R3HDM1: variants seen among roughly 807,000 people sequenced by gnomAD.
R3HDM1 encodes the protein R3H domain-containing protein 1.
R3HDM1 carries 46 observed loss-of-function variants against 141.1 expected under a neutral mutation model. That is an observed-to-expected ratio of 0.33 (90% CI 0.26 to 0.42). R3HDM1 has a LOEUF of 0.42. Ranked by LOEUF, R3HDM1 falls within the 10% of genes least tolerant of loss-of-function variation. The pLI is 1.00. For missense variants in R3HDM1, 1,184 were observed against 1,368.3 expected (o/e 0.87, Z 2.12); for synonymous variants, 435 against 472.9 (o/e 0.92, Z 1.04).
Position 135,531,561 on chromosome 2 carries a change from C to A in R3HDM1, c.-322C>A, listed in dbSNP as rs1031217854. On this transcript the variant is annotated 5_prime_UTR_variant, in exon 1 of 27. Transcript: ENST00000683871. ...TTAATTCCCTTTCGTAAGACTCTTA[C>A]TTGCACCCACCCAGCCCCGCCGTCG... 1.6e-5 allele frequency: 16 copies of A among 986,210 alleles called. No individual in the cohort carries two copies. Among genetic ancestry groups the A allele is most frequent in the African/African-American group, 1.7e-5 (1 of 57,194 alleles). The allele number at this position is 986,210 out of a possible 1,614,324, so 61.1% of individuals were successfully genotyped here. A position where few individuals can be genotyped will look rare whatever the true frequency, so the allele number is the denominator to read the frequency against.
Position 135,555,752 on chromosome 2 carries a change from C to T in R3HDM1, c.-250+24119C>T, listed in dbSNP as rs149297060. Among the ~76,000 whole-genome samples, 944 of 152,226 alleles carry T rather than the reference C, an allele frequency of 6.2e-3. 8 individuals carry two copies. Among genetic ancestry groups the T allele is most frequent in the South Asian group, 0.042 (201 of 4,830 alleles). ...CAATACGAAGCAATGAAGGGCCAGG[C>T]GAGTGGCTCATATCTGTAATCCTAG... On this transcript the variant is annotated intron_variant, in intron 1 of 26. Coordinates refer to ENST00000683871, the MANE Select transcript of R3HDM1 (RefSeq NM_001378107.1).
intron 21 of R3HDM1, among the ~76,000 whole-genome samples, chr2:135,693,700 A>G (rs1211285826): frequency 1.3e-5 from 2 of 152,236 alleles, no homozygotes; most frequent in African/African-American, 2.4e-5. Flanking sequence ...TAGAAGAGAA[A>G]GAACTAAAGG....
At chr2:135,723,726 G>A (rs902343484) in intron 26 of R3HDM1, among the ~76,000 whole-genome samples, 1 of 130,524 alleles carries the variant, frequency 7.7e-6, no homozygotes, top group Non-Finnish European at 1.5e-5. Context: ...GCAGTGAGCC[G>A]AGATCACACC....
rs191478784 is a variant in R3HDM1, at chr2:135,709,962, T to A, written c.2564-97T>A. 9.1e-5 allele frequency: 116 copies of A among 1,272,860 alleles called. No individual in the cohort carries two copies. In the African/African-American group the frequency reaches 1.7e-3, roughly 19 times the overall value. The allele number at this position is 1,272,860 out of a possible 1,614,324, so 78.8% of individuals were successfully genotyped here. On this transcript the variant is annotated intron_variant, in intron 22 of 26. Coordinates refer to ENST00000683871, the MANE Select transcript of R3HDM1 (RefSeq NM_001378107.1). ...TTCTTAGTTAATAGTAAAATTTTAT[T>A]CAGAAATGTAAAATTACTACTGTTA...
At chr2:135,620,549 AAAG>A in intron 5 of R3HDM1, 1 of 983,986 alleles carries the variant, frequency 1.0e-6, no homozygotes, top group Non-Finnish European at 1.2e-6. Context: ...AAGAAGAAGA[AAAG>A]AGATGAAAAT....
chr2:135,653,508 A>G (rs1559352838), intron 18 of R3HDM1, among the ~76,000 whole-genome samples: 1 of 152,042 alleles, frequency 6.6e-6, no homozygotes, highest in South Asian at 2.1e-4. Context: ...CTATCCACAA[A>G]TTTGGATATG....
chr2:135,709,080 T>G (rs951025791), intron 21 of R3HDM1, among the ~76,000 whole-genome samples: 2 of 152,144 alleles, frequency 1.3e-5, no homozygotes, highest in African/African-American at 4.8e-5. Flanking sequence ...TTCTGTTGTT[T>G]CCTCTATTCT....
chr2:135,541,284 T>C (rs1697430928), intron 1 of R3HDM1, among the ~76,000 whole-genome samples: 1 of 152,086 alleles, frequency 6.6e-6, no homozygotes, highest in South Asian at 2.1e-4. Context: ...CACTGCAAGC[T>C]CCGCCTCCCG....
intron 1 of R3HDM1, among the ~76,000 whole-genome samples, chr2:135,539,400 G>A (rs1039657937): frequency 6.6e-6 from 1 of 152,196 alleles, no homozygotes; most frequent in Non-Finnish European, 1.5e-5. Flanking sequence ...TGAAGGCTGT[G>A]ATAATCCTTA....
intron 23 of R3HDM1, among the ~76,000 whole-genome samples, chr2:135,710,636 G>A (rs2075518586): frequency 6.6e-6 from 1 of 151,824 alleles, no homozygotes; most frequent in Non-Finnish European, 1.5e-5. Flanking sequence ...GGCAACAAGA[G>A]TGTAACTCTG....
rs2076962460 is a variant in R3HDM1, at chr2:135,724,013, A to G, written c.3126A>G (p.Glu1042=). The change falls in exon 27 of 27, where the codon GAA becomes GAG. Residue 1042 remains glutamate, a synonymous_variant. Transcript: ENST00000683871. ...TGGAAGCTGAAAAGCTTTTTGGGGA[A>G]CTCTTTAAAATTGGCGCCAAGATCC... ...TRMEAEKLFG[E]LFKIGAKIRW... is the part of the protein sequence containing the mutation. 4 of 1,613,812 alleles carry G rather than the reference A, an allele frequency of 2.5e-6. No individual in the cohort carries two copies. The highest frequency in any genetic ancestry group is 3.4e-6 in the Non-Finnish European group (4 of 1,179,980).
intron 15 of R3HDM1, among the ~76,000 whole-genome samples, chr2:135,642,505 C>T (rs1051288497): frequency 4.6e-5 from 7 of 152,072 alleles, no homozygotes; most frequent in African/African-American, 1.7e-4. Flanking sequence ...GTACATTTCA[C>T]TATGTAAATT....
intron 1 of R3HDM1, among the ~76,000 whole-genome samples, chr2:135,569,524 T>A (rs558970391): frequency 2.6e-5 from 4 of 151,976 alleles, no homozygotes; most frequent in African/African-American, 9.6e-5. Flanking sequence ...AGGTAGTATA[T>A]CAAAGTAGTT....
chr2:135,540,424 A>G (rs1362231475), intron 1 of R3HDM1, among the ~76,000 whole-genome samples: 1 of 152,190 alleles, frequency 6.6e-6, no homozygotes, highest in Non-Finnish European at 1.5e-5. Context: ...CCTCCCATGA[A>G]TCACAAATAT....
At chr2:135,647,213 A>G (rs2064562727) in intron 16 of R3HDM1, among the ~76,000 whole-genome samples, 1 of 152,198 alleles carries the variant, frequency 6.6e-6, no homozygotes, top group African/African-American at 2.4e-5. Flanking sequence ...GTTACATACA[A>G]TGAGCTCGCA....
chr2:135,702,517 C>T (rs929779283), intron 21 of R3HDM1, among the ~76,000 whole-genome samples: 8 of 151,858 alleles, frequency 5.3e-5, no homozygotes, highest in Non-Finnish European at 8.8e-5. Context: ...AAAAATTAGC[C>T]GGGCATGGTG....
Position 135,582,768 on chromosome 2 carries a change from T to TA in R3HDM1, c.-249-19731dup, listed in dbSNP as rs747941572. Among the ~76,000 whole-genome samples, 7 of 152,350 alleles carry TA rather than the reference T, an allele frequency of 4.6e-5. 1 individual carries two copies. The East Asian group carries it at 1.3e-3, about 29-fold the overall frequency. ...TAGGAGAATGTTGTATATTTGCTAA[T>TA]AGAGGATTATTGCTATATAATGGTC... On this transcript the variant is annotated intron_variant, in intron 1 of 26. Transcript: ENST00000683871.
At chr2:135,613,189 G>C (rs1056021948) in intron 3 of R3HDM1, among the ~76,000 whole-genome samples, 1 of 152,152 alleles carries the variant, frequency 6.6e-6, no homozygotes, top group Non-Finnish European at 1.5e-5. Flanking sequence ...TTTTCTGAAC[G>C]CTTTGGGAAA....
intron 1 of R3HDM1, among the ~76,000 whole-genome samples, chr2:135,532,507 G>A (rs1695096406): frequency 6.6e-6 from 1 of 152,046 alleles, no homozygotes; most frequent in Admixed American, 6.5e-5. Flanking sequence ...AAGAAGAGGT[G>A]CTTTCCAAAT....
Sources: allele counts gnomAD v4.1 joint callset (sites outside exome capture counted in the v4.1 genomes callset), GRCh38; gene constraint gnomAD v4.1.1; transcripts MANE v1.5; gene names NCBI Gene and HGNC (gene_info 2026-07-23, HGNC 2026-07-21).